SGCZ: variants seen among roughly 807,000 people sequenced by gnomAD.
SGCZ encodes the protein sarcoglycan zeta.
A neutral mutation model predicts 41.3 loss-of-function variants in SGCZ; 40 were observed. The ratio of observed to expected loss-of-function variants is 0.97; its 90% confidence interval spans 0.75 to 1.26. SGCZ has a LOEUF of 1.26. Ranked by LOEUF, SGCZ falls within the 50% of genes most tolerant of loss-of-function variation. The pLI is 0.00. For missense variants in SGCZ, 552 were observed against 369.8 expected, an observed-to-expected ratio of 1.49 and a Z score of -4.04; for synonymous variants, 206 against 137.5, an observed-to-expected ratio of 1.50 and a Z score of -3.49.
chr8:14,246,938 C>G (rs1158704707), intron 3 of SGCZ, among the ~76,000 whole-genome samples: 2 of 141,746 alleles, frequency 1.4e-5, no homozygotes. Context: ...AAAAGTAAAA[C>G]TTTTATATTT....
At chr8:14,232,243 T>C (rs1317586938) in intron 4 of SGCZ, among the ~76,000 whole-genome samples, 1 of 151,970 alleles carries the variant, frequency 6.6e-6, no homozygotes, top group East Asian at 1.9e-4. Context: ...GTGGCCCATC[T>C]GATTATCATT....
At chr8:14,290,176 A>T (rs1800791112) in intron 3 of SGCZ, among the ~76,000 whole-genome samples, 1 of 152,224 alleles carries the variant, frequency 6.6e-6, no homozygotes, top group Non-Finnish European at 1.5e-5. Flanking sequence ...CTTTTATCAT[A>T]TAAAAATAAC....
chr8:15,208,039 CT>C (rs2117151717), intron 1 of SGCZ, among the ~76,000 whole-genome samples: 1 of 152,288 alleles, frequency 6.6e-6, no homozygotes, highest in South Asian at 2.1e-4. Context: ...TTCCTACTCT[CT>C]GATAGTTTTA....
At chr8:14,704,577 G>A (rs1809268179) in intron 1 of SGCZ, among the ~76,000 whole-genome samples, 1 of 151,990 alleles carries the variant, frequency 6.6e-6, no homozygotes, top group Non-Finnish European at 1.5e-5. Context: ...TTAACACCAG[G>A]TCATGTGGTA....
intron 2 of SGCZ, among the ~76,000 whole-genome samples, chr8:14,496,513 A>C (rs927883994): frequency 6.6e-6 from 1 of 152,172 alleles, no homozygotes; most frequent in African/African-American, 2.4e-5. Context: ...CCATTCTTTC[A>C]TCAAACTATC....
At chr8:15,032,268 G>A (rs1481196410) in intron 1 of SGCZ, among the ~76,000 whole-genome samples, 3 of 152,090 alleles carry the variant, frequency 2.0e-5, no homozygotes, top group Admixed American at 2.0e-4. Flanking sequence ...AGAGATCACA[G>A]CACCTGGGTG....
At chr8:14,838,703 G>A (rs897775990) in intron 1 of SGCZ, among the ~76,000 whole-genome samples, 7 of 152,054 alleles carry the variant, frequency 4.6e-5, no homozygotes, top group African/African-American at 1.2e-4. Context: ...CCTGTGACAC[G>A]GCTTGGTGTG....
At chr8:14,920,791 A>G (rs532875765) in intron 1 of SGCZ, among the ~76,000 whole-genome samples, 1 of 152,378 alleles carries the variant, frequency 6.6e-6, no homozygotes, top group African/African-American at 2.4e-5. Flanking sequence ...TGTTTAACTC[A>G]TTCTAAAATA....
intron 2 of SGCZ, among the ~76,000 whole-genome samples, chr8:14,374,334 C>A (rs1156795734): frequency 6.6e-6 from 1 of 151,992 alleles, no homozygotes; most frequent in Non-Finnish European, 1.5e-5. Context: ...GACAGAGAGA[C>A]CCTGTCTCAA....
At chr8:14,299,530 G>A (rs2410175) in intron 3 of SGCZ, among the ~76,000 whole-genome samples, 73,530 of 151,574 alleles carry the variant, frequency 0.49, 18,960 homozygotes, top group Non-Finnish European at 0.58. Flanking sequence ...GAAAAGATAT[G>A]TAAATGGCCA....
chr8:14,551,482 ATATATATTATATATATTATATATATT>A (rs1803821573), intron 2 of SGCZ, among the ~76,000 whole-genome samples: 1 of 2,058 alleles, frequency 4.9e-4, no homozygotes, highest in African/African-American at 6.8e-4. Context: ...ATTATATATT[ATATATATTATATATATTATATATATT>A]ATATATATTA....
intron 5 of SGCZ, chr8:14,162,594 G>A (rs773251935): frequency 6.6e-6 from 1 of 152,182 alleles, no homozygotes; most frequent in Non-Finnish European, 1.5e-5. Context: ...ACTCAAGAAG[G>A]TCAATCTGTA....
chr8:15,005,745 G>A (rs1289603460), intron 1 of SGCZ, among the ~76,000 whole-genome samples: 1 of 151,740 alleles, frequency 6.6e-6, no homozygotes, highest in Non-Finnish European at 1.5e-5. Context: ...TTGAACCTTA[G>A]CTGATATTTA....
chr8:14,863,812 G>C (rs1275954977), intron 1 of SGCZ, among the ~76,000 whole-genome samples: 3 of 152,080 alleles, frequency 2.0e-5, no homozygotes, highest in Non-Finnish European at 1.5e-5. Flanking sequence ...TGAAGACTGG[G>C]TTGTAAATGC....
At chr8:14,966,725 G>C (rs544913236) in intron 1 of SGCZ, among the ~76,000 whole-genome samples, 4 of 152,026 alleles carry the variant, frequency 2.6e-5, no homozygotes, top group Admixed American at 2.6e-4. Flanking sequence ...CTTTAAAAAC[G>C]CTTTGGGTTG....
intron 1 of SGCZ, among the ~76,000 whole-genome samples, chr8:14,667,338 G>A (rs892511665): frequency 2.6e-5 from 4 of 152,210 alleles, no homozygotes; most frequent in South Asian, 2.1e-4. Context: ...AACTCATACA[G>A]GGTTTTTCAT....
chr8:15,086,797 C>A (rs1040689663), intron 1 of SGCZ, among the ~76,000 whole-genome samples: 1 of 151,950 alleles, frequency 6.6e-6, no homozygotes, highest in Admixed American at 6.6e-5. Flanking sequence ...TTATTTTTTT[C>A]TCTCTGCATT....
At chr8:14,207,854 A>G (rs745561742) in intron 4 of SGCZ, among the ~76,000 whole-genome samples, 1 of 152,144 alleles carries the variant, frequency 6.6e-6, no homozygotes, top group Non-Finnish European at 1.5e-5. Flanking sequence ...AATATACTTG[A>G]TATGCGATTT....
intron 3 of SGCZ, among the ~76,000 whole-genome samples, chr8:14,249,215 G>A (rs550410308): frequency 6.6e-6 from 1 of 152,284 alleles, no homozygotes; most frequent in East Asian, 1.9e-4. Flanking sequence ...CTGCCTGACT[G>A]TCTTCAAGCT....
Sources: allele counts gnomAD v4.1 joint callset (sites outside exome capture counted in the v4.1 genomes callset), GRCh38; gene constraint gnomAD v4.1.1; transcripts MANE v1.5; gene names NCBI Gene and HGNC (gene_info 2026-07-23, HGNC 2026-07-21).